VWDE: variants seen among roughly 807,000 people sequenced by gnomAD.
The protein encoded by VWDE is von Willebrand factor D and EGF domains, also known as von Willebrand factor D and EGF domain-containing protein.
A neutral mutation model predicts 178.4 loss-of-function variants in VWDE; 207 were observed. The ratio of observed to expected loss-of-function variants is 1.16; its 90% CI spans 1.04 to 1.30. VWDE has a LOEUF of 1.30. Among genes scored for constraint, VWDE ranks in the 50% most tolerant of loss-of-function variants. The pLI, the probability that VWDE is intolerant of heterozygous loss-of-function variation, is 0.00. For missense variants in VWDE, 2,287 were observed against 1,901.3 expected (o/e 1.20, Z -3.77); for synonymous variants, 738 against 651.4 (o/e 1.13, Z -2.02).
intron 3 of VWDE, among the ~76,000 whole-genome samples, chr7:12,384,463 C>T (rs1784001660): frequency 6.6e-6 from 1 of 152,060 alleles, no homozygotes. Context: ...ATAGAATTTA[C>T]AACACCTAGA....
chr7:12,360,762 A>T (rs894782313), intron 15 of VWDE, among the ~76,000 whole-genome samples: 7 of 152,178 alleles, frequency 4.6e-5, no homozygotes, highest in African/African-American at 1.4e-4. Flanking sequence ...CCCCATAAAA[A>T]TACTAACTTT....
In VWDE at chr7:12,403,732, T is replaced by G; in HGVS notation, c.-16A>C. ...CGCCAGGCATCGCTGCTTCCGCAGGTGGGGCGAAAGGCGTCGCAGAGCCCG... is the reference window on the plus strand; with the variant it reads ...CGCCAGGCATCGCTGCTTCCGCAGGGGGGGCGAAAGGCGTCGCAGAGCCCG... On this transcript the variant is annotated 5_prime_UTR_variant, in exon 1 of 29. Coordinates refer to ENST00000275358, the MANE Select transcript of VWDE (RefSeq NM_001135924.3). 1 of 1,550,250 alleles carries G rather than the reference T, an allele frequency of 6.5e-7. No homozygotes were observed. Among genetic ancestry groups the G allele is most frequent in the Non-Finnish European group, 8.7e-7 (1 of 1,146,332 alleles).
chr7:12,400,905 T>C (rs148670698), intron 1 of VWDE, among the ~76,000 whole-genome samples: 3 of 152,252 alleles, frequency 2.0e-5, no homozygotes, highest in African/African-American at 7.2e-5. Context: ...GTTGGTTTAA[T>C]AACTAAAATC....
At chr7:12,377,752 G>T in intron 7 of VWDE, 24 bp downstream of exon 7, 1 of 1,363,382 alleles carries the variant, frequency 7.3e-7, no homozygotes. Flanking sequence ...CTAATAATAA[G>T]ATAAAATAAA....
chr7:12,358,278 G>T (rs955411826), intron 16 of VWDE, among the ~76,000 whole-genome samples: 5 of 151,808 alleles, frequency 3.3e-5, no homozygotes, highest in African/African-American at 1.2e-4. Context: ...GGAGGCTGAA[G>T]CAGGAGAATT....
intron 3 of VWDE, among the ~76,000 whole-genome samples, chr7:12,386,282 C>T (rs950307001): frequency 6.6e-6 from 1 of 152,180 alleles, no homozygotes; most frequent in Admixed American, 6.5e-5. Context: ...ATGCATCTCT[C>T]TGGATTTTCT....
chr7:12,352,162 A>T (rs1233330339), intron 18 of VWDE, among the ~76,000 whole-genome samples: 1 of 152,178 alleles, frequency 6.6e-6, no homozygotes, highest in Admixed American at 6.5e-5. Context: ...GTGAGAAAAT[A>T]AATTTCTGTT....
At chr7:12,335,148 G>C (rs1338770143) in intron 27 of VWDE, among the ~76,000 whole-genome samples, 1 of 152,032 alleles carries the variant, frequency 6.6e-6, no homozygotes, top group Non-Finnish European at 1.5e-5. Flanking sequence ...TAATAAATCT[G>C]TGTAATTTCA....
At chr7:12,386,154 A>G (rs1784089548) in intron 3 of VWDE, among the ~76,000 whole-genome samples, 1 of 152,162 alleles carries the variant, frequency 6.6e-6, no homozygotes, top group African/African-American at 2.4e-5. Context: ...ATTTTCCACA[A>G]ATATTTGGTA....
At chr7:12,398,782 T>C (rs847998) in intron 1 of VWDE, among the ~76,000 whole-genome samples, 8,769 of 151,682 alleles carry the variant, frequency 0.058, 332 homozygotes, top group Middle Eastern at 0.11. Context: ...CTAAACAAAT[T>C]AATGCAGAAA....
rs945576361 is a variant in VWDE, at chr7:12,403,676, A to C, written c.41T>G (p.Phe14Cys). The C allele has an allele frequency of 6.5e-7, 1 of 1,547,314 alleles. No individual in the cohort carries two copies. The highest frequency in any genetic ancestry group is 8.7e-7 in the Non-Finnish European group (1 of 1,146,446). ...TCGCTTACCTTCCCCCCAGGCCAGG[A>C]ACATCAGCGCGATCACCAGCACGCA... ...GACVLVIALM[F>C]LAWGEAQECS... Residue 14 changes from phenylalanine to cysteine, a missense_variant, in exon 1 of 29, where the codon TTC (phenylalanine) becomes TGC (cysteine). Transcript: ENST00000275358.
intron 3 of VWDE, among the ~76,000 whole-genome samples, chr7:12,384,607 G>C (rs748516023): frequency 2.6e-5 from 4 of 152,074 alleles, no homozygotes; most frequent in African/African-American, 9.7e-5. Flanking sequence ...GAGATTTACA[G>C]AGTATATGTG....
At chr7:12,380,421 T>C (rs1783780214) in intron 5 of VWDE, 65 bp downstream of exon 5, 1 of 1,511,692 alleles carries the variant, frequency 6.6e-7, no homozygotes. Flanking sequence ...GGATATGATG[T>C]TTAAAAATCG....
intron 19 of VWDE, among the ~76,000 whole-genome samples, chr7:12,346,597 T>C (rs907151956): frequency 3.3e-5 from 5 of 151,762 alleles, no homozygotes; most frequent in Admixed American, 3.3e-4. Context: ...AATTAAAACA[T>C]TTTTACACAT....
chr7:12,367,113 T>C (rs1400641359), intron 13 of VWDE, among the ~76,000 whole-genome samples: 1 of 152,036 alleles, frequency 6.6e-6, no homozygotes, highest in African/African-American at 2.4e-5. Context: ...CTTGATATTC[T>C]TTTAGCTTTT....
Position 12,351,721 on chromosome 7 carries a change from T to C in VWDE, c.3746-8A>G. The C allele has an allele frequency of 6.5e-7, 1 of 1,537,422 alleles. No homozygotes were observed. The highest frequency in any genetic ancestry group is 8.8e-7 in the Non-Finnish European group (1 of 1,142,032). On this transcript the variant is annotated splice_region_variant and splice_polypyrimidine_tract_variant and intron_variant, in intron 18 of 28. Coordinates refer to ENST00000275358, the MANE Select transcript of VWDE (RefSeq NM_001135924.3). ...TTACAAACTGTGTTTCAACTGTAAA[T>C]GAGAACAAGGAAAACAGATTAGACT...
chr7:12,391,825 G>A (rs1343479543), intron 2 of VWDE, among the ~76,000 whole-genome samples: 2 of 152,104 alleles, frequency 1.3e-5, no homozygotes, highest in South Asian at 2.1e-4. Context: ...AGGAAAACAA[G>A]CCTTTTGCTA....
At chr7:12,388,696 G>A (rs773787678) in intron 3 of VWDE, 23 of 276,306 alleles carry the variant, frequency 8.3e-5, no homozygotes, top group Non-Finnish European at 1.5e-4. Flanking sequence ...GCTCATCACC[G>A]TAACTCTGAG....
chr7:12,358,328 CGTGCCACTGCGCTCCAGCCTGGGAGACAG>C (rs1782379974), intron 16 of VWDE, among the ~76,000 whole-genome samples: 1 of 149,514 alleles, frequency 6.7e-6, no homozygotes, highest in Non-Finnish European at 1.5e-5. Flanking sequence ...GAGCTGAGAT[CGTGCCACTGCGCTCCAGCCTGGGAGACAG>C]AATGAGATTC....
Sources: allele counts gnomAD v4.1 joint callset (sites outside exome capture counted in the v4.1 genomes callset), GRCh38; gene constraint gnomAD v4.1.1; transcripts MANE v1.5; gene names NCBI Gene and HGNC (gene_info 2026-07-23, HGNC 2026-07-21).